INSC: variants seen among roughly 807,000 people sequenced by gnomAD.
INSC encodes protein inscuteable homolog.
Under a neutral mutation model 58.6 loss-of-function variants are expected in INSC, and 67 were observed. The observed-to-expected ratio is 1.14, with a 90% CI of 0.94 to 1.40. The LOEUF (loss-of-function observed/expected upper bound fraction) is 1.40, where lower values mean the gene tolerates loss of function less well. Ranked by LOEUF, INSC falls within the 40% of genes most tolerant of loss-of-function variation. The probability of loss-of-function intolerance (pLI) is 0.00; values close to 1 mark genes in which losing one functional copy is unlikely to be tolerated. For synonymous variants in INSC, 262 were observed against 276.1 expected (o/e 0.95, Z 0.51); for missense variants, 714 against 692.0 (o/e 1.03, Z -0.36).
upstream of INSC, among the ~76,000 whole-genome samples, chr11:15,114,124 G>A (rs899371199): frequency 6.6e-6 from 1 of 151,594 alleles, no homozygotes; most frequent in Non-Finnish European, 1.5e-5. Context: ...TGGCGGAGGC[G>A]GGGGAGGGGG....
the INSC span, among the ~76,000 whole-genome samples, chr11:15,263,813 T>C: frequency 2.0e-5 from 3 of 152,158 alleles, no homozygotes; most frequent in Non-Finnish European, 4.4e-5. Context: ...CATAATCCAG[T>C]TCCTTGCAGC....
intron 1 of INSC, among the ~76,000 whole-genome samples, chr11:15,146,122 A>G (rs1848485408): frequency 6.6e-6 from 1 of 152,236 alleles, no homozygotes; most frequent in Non-Finnish European, 1.5e-5. Flanking sequence ...GGCACATAAC[A>G]CATGCTCAGT....
chr11:15,269,052 G>C, the INSC span, among the ~76,000 whole-genome samples: 1 of 151,946 alleles, frequency 6.6e-6, no homozygotes, highest in Non-Finnish European at 1.5e-5. Flanking sequence ...AATTCCTTAT[G>C]ATAAAATATC....
At chr11:15,208,422 C>G (rs982423927) in intron 7 of INSC, among the ~76,000 whole-genome samples, 3 of 152,184 alleles carry the variant, frequency 2.0e-5, no homozygotes, top group African/African-American at 7.2e-5. Flanking sequence ...CCCAGCCTTG[C>G]AAGGGGGCAG....
chr11:15,181,431 G>A (rs147051690), intron 5 of INSC, among the ~76,000 whole-genome samples: 1 of 152,216 alleles, frequency 6.6e-6, no homozygotes, highest in African/African-American at 2.4e-5. Flanking sequence ...CTTCACCCCA[G>A]TATTAAGGGC....
chr11:15,213,190 A>G (rs770844671), intron 7 of INSC, among the ~76,000 whole-genome samples: 1 of 151,916 alleles, frequency 6.6e-6, no homozygotes, highest in Non-Finnish European at 1.5e-5. Context: ...TGATACCCCC[A>G]GCACTTTAGG....
chr11:15,219,151 A>G (rs1851339793), intron 7 of INSC, among the ~76,000 whole-genome samples: 1 of 152,082 alleles, frequency 6.6e-6, no homozygotes, highest in African/African-American at 2.4e-5. Flanking sequence ...CCTCTCTGGC[A>G]ATTCTGGTGG....
chr11:15,138,836 G>A (rs954526819), intron 1 of INSC, among the ~76,000 whole-genome samples: 2 of 152,146 alleles, frequency 1.3e-5, no homozygotes, highest in Non-Finnish European at 2.9e-5. Flanking sequence ...TGTAGAAGCT[G>A]AAGGTCAGAG....
chr11:15,192,500 T>A (rs1850217157), intron 6 of INSC, among the ~76,000 whole-genome samples: 1 of 152,252 alleles, frequency 6.6e-6, no homozygotes, highest in Admixed American at 6.5e-5. Context: ...TTTTAAGCTG[T>A]GTGCTTTTTA....
At chr11:15,216,103 T>G (rs1379745507) in intron 7 of INSC, among the ~76,000 whole-genome samples, 1 of 152,134 alleles carries the variant, frequency 6.6e-6, no homozygotes, top group East Asian at 1.9e-4. Flanking sequence ...TGCCTTTGTC[T>G]GATATGGAGT....
At chr11:15,168,040 G>A (rs1189537056) in intron 2 of INSC, among the ~76,000 whole-genome samples, 1 of 152,088 alleles carries the variant, frequency 6.6e-6, no homozygotes, top group Non-Finnish European at 1.5e-5. Flanking sequence ...TTGTTGCTTG[G>A]GCAAATGGTC....
chr11:15,139,772 A>G (rs941526714), intron 1 of INSC, among the ~76,000 whole-genome samples: 1 of 152,226 alleles, frequency 6.6e-6, no homozygotes, highest in Non-Finnish European at 1.5e-5. Context: ...ATTCTTAACC[A>G]ACAGAGCTCT....
At chr11:15,191,983 G>C (rs1026912503) in intron 6 of INSC, among the ~76,000 whole-genome samples, 3 of 152,180 alleles carry the variant, frequency 2.0e-5, no homozygotes, top group Admixed American at 6.5e-5. Flanking sequence ...TCCCAAAACA[G>C]GAGGCTGTAC....
intron 6 of INSC, among the ~76,000 whole-genome samples, chr11:15,191,961 C>T (rs145238982): frequency 1.2e-4 from 19 of 152,306 alleles, no homozygotes; most frequent in African/African-American, 4.6e-4. Flanking sequence ...TCTGCCTAAG[C>T]TTTCCTATTC....
intron 2 of INSC, among the ~76,000 whole-genome samples, chr11:15,174,751 T>C (rs1423551115): frequency 6.6e-6 from 1 of 152,264 alleles, no homozygotes. Context: ...AGCTTTACTT[T>C]TAATTGACAC....
chr11:15,231,323 C>T (rs1232220464), intron 9 of INSC, among the ~76,000 whole-genome samples: 1 of 152,160 alleles, frequency 6.6e-6, no homozygotes, highest in African/African-American at 2.4e-5. Context: ...TTTGACTTCC[C>T]TGGGCCACAC....
In INSC at chr11:15,190,721, T is replaced by A; in HGVS notation, c.600T>A (p.Asp200Glu). The change falls in exon 6 of 13, where the codon GAT becomes GAA. Residue 200 changes from aspartate to glutamate, a missense_variant. Physicochemically the swap from Asp to Glu is conservative, Grantham distance 45. Coordinates refer to ENST00000379556, the MANE Select transcript of INSC (RefSeq NM_001042536.3). ...CTTAGGCACTGGTGAGAAAAATTGA[T>A]GCCTCAGACAATATCTACACCACAG... ...REVQALVRKI[D>E]ASDNIYTTES... 6.2e-7 allele frequency: 1 copy of A among 1,613,244 alleles called. No individual in the cohort carries two copies.
At chr11:15,217,665 G>T (rs534211907) in intron 7 of INSC, among the ~76,000 whole-genome samples, 28 of 152,108 alleles carry the variant, frequency 1.8e-4, no homozygotes, top group Non-Finnish European at 4.0e-4. Context: ...GCATCAGAAC[G>T]AAACGCTAGG....
intron 2 of INSC, among the ~76,000 whole-genome samples, chr11:15,167,164 A>C (rs190989658): frequency 1.3e-5 from 2 of 151,982 alleles, no homozygotes; most frequent in Non-Finnish European, 2.9e-5. Flanking sequence ...AAATGTGAGC[A>C]GCTTGGGTGC....
Sources: gnomAD v4.1 joint callset for allele counts (sites outside exome capture counted in the v4.1 genomes callset) on GRCh38, gnomAD v4.1.1 for gene constraint, MANE v1.5 for transcripts, NCBI Gene and HGNC (gene_info 2026-07-23, HGNC 2026-07-21) for gene names.